The following ASXL3 variants were observed in gnomAD, a reference collection of about 807,000 sequenced individuals.
The protein encoded by ASXL3 is ASXL transcriptional regulator 3, also known as putative Polycomb group protein ASXL3.
Under a neutral mutation model 170.6 loss-of-function variants are expected in ASXL3, and 34 were observed. The observed-to-expected ratio is 0.20, with a 90% confidence interval of 0.15 to 0.27. The LOEUF (loss-of-function observed/expected upper bound fraction) is 0.27. Ranked by LOEUF, ASXL3 falls within the 10% of genes least tolerant of loss-of-function variation. The pLI, the probability that ASXL3 is intolerant of heterozygous loss-of-function variation, is 1.00. For synonymous variants in ASXL3, 1,002 were observed against 989.1 expected, an observed-to-expected ratio of 1.01 and a Z score of -0.24; for missense variants, 2,592 against 2,695.3, an observed-to-expected ratio of 0.96 and a Z score of 0.85.
Position 33,652,603 on chromosome 18 carries a change from C to CAAAAAA in ASXL3, c.355+6258_355+6263dup, listed in dbSNP as rs554834298. Among the ~76,000 whole-genome samples, 6 of 112,320 alleles carry CAAAAAA rather than the reference C, an allele frequency of 5.3e-5. 1 individual carries two copies. The highest frequency in any genetic ancestry group is 3.2e-4 in the East Asian group (1 of 3,116). 73.7% of individuals were successfully genotyped at this position (112,320 alleles called of 152,430 possible). On this transcript the variant is annotated intron_variant, in intron 4 of 11. Coordinates refer to ENST00000269197, the MANE Select transcript of ASXL3 (RefSeq NM_030632.3). The stretch of plus-strand genomic sequence containing the variant: ...AGTATTTTAAAAGTTTCTGTTGGGG[C>CAAAAAA]AAAAAAAAAAAAAGAACATGAATCT...
chr18:33,578,730 C>G (rs779505543), intron 1 of ASXL3, 45 bp downstream of exon 1: 1 of 1,136,314 alleles, frequency 8.8e-7, no homozygotes, highest in South Asian at 3.6e-5. Flanking sequence ...CCGCCGGCCC[C>G]GCCGCTCGCC....
intron 10 of ASXL3, 96 bp from the exon 11 acceptor site, chr18:33,738,391 C>A: frequency 8.4e-7 from 1 of 1,185,098 alleles, no homozygotes; most frequent in Non-Finnish European, 1.2e-6. Context: ...TAATTTGATG[C>A]ATTTACTTCT....
chr18:33,588,614 T>G (rs2065053100), intron 1 of ASXL3, among the ~76,000 whole-genome samples: 1 of 152,156 alleles, frequency 6.6e-6, no homozygotes, highest in African/African-American at 2.4e-5. Context: ...CGTAATTTGC[T>G]GTCTTTGCAC....
At chr18:33,657,245 A>C (rs1476079186) in intron 4 of ASXL3, among the ~76,000 whole-genome samples, 2 of 152,070 alleles carry the variant, frequency 1.3e-5, no homozygotes, top group Admixed American at 1.3e-4. Flanking sequence ...GGATATTTGG[A>C]GGAGGGACAA....
chr18:33,585,424 C>G (rs2065026890), intron 1 of ASXL3, among the ~76,000 whole-genome samples: 1 of 152,048 alleles, frequency 6.6e-6, no homozygotes, highest in Non-Finnish European at 1.5e-5. Flanking sequence ...TTAAACAAAT[C>G]TACAAAAAGG....
intron 2 of ASXL3, among the ~76,000 whole-genome samples, chr18:33,622,456 T>C (rs1040854255): frequency 2.6e-5 from 4 of 152,186 alleles, no homozygotes; most frequent in Admixed American, 6.6e-5. Context: ...TCCAAGAAAT[T>C]AGCTGTTTAC....
At position 33,744,067 on chromosome 18, in the gene ASXL3, C is replaced by T. The variant is rs1269803774; in HGVS notation, c.4219C>T (p.Leu1407=). The T allele has an allele frequency of 6.2e-7, 1 of 1,614,048 alleles. No homozygotes were observed. Among genetic ancestry groups the T allele is most frequent in the African/African-American group, 1.3e-5 (1 of 75,062 alleles). The change falls in exon 12 of 12, where the codon CTG becomes TTG. Residue 1407 remains leucine (L), a synonymous_variant. Transcript: ENST00000269197. The part of the protein sequence containing the change: ...CSDSVAVTDS[L]VAHPTVAMFT... The stretch of plus-strand genomic sequence containing the variant: ...TGATTCTGTAGCGGTCACAGACTCT[C>T]TGGTTGCACACCCGACCGTCGCAAT...
At chr18:33,616,448 A>G (rs907521596) in intron 2 of ASXL3, among the ~76,000 whole-genome samples, 3 of 151,598 alleles carry the variant, frequency 2.0e-5, no homozygotes, top group African/African-American at 7.3e-5. Context: ...ATGCATAGGC[A>G]CTCACATTTC....
intron 5 of ASXL3, among the ~76,000 whole-genome samples, chr18:33,670,017 T>C (rs1309266484): frequency 6.6e-6 from 1 of 152,224 alleles, no homozygotes; most frequent in Admixed American, 6.5e-5. Context: ...TATTCATTTT[T>C]TTCCTGGATT....
At position 33,646,890 on chromosome 18, in the gene ASXL3, G is replaced by GC. The variant is rs1234627843; in HGVS notation, c.355+537_355+538insC. On this transcript the variant is annotated intron_variant, in intron 4 of 11. Transcript: ENST00000269197. ...AATTTTAAGGGGGAGCGGGGGGGGGGGGCATTTTTCACCTCTGAATTTTAT... is the reference window on the plus strand; with the variant it reads ...AATTTTAAGGGGGAGCGGGGGGGGGGCGGCATTTTTCACCTCTGAATTTTAT... Among the ~76,000 whole-genome samples, 10 of 141,056 alleles carry GC rather than the reference G, an allele frequency of 7.1e-5. No individual in the cohort carries two copies. In the East Asian group the frequency reaches 2.1e-3, roughly 30 times the overall value. The allele number at this position is 141,056 out of a possible 152,430, so 92.5% of individuals were successfully genotyped here.
chr18:33,578,541 C>A lies in ASXL3; in HGVS notation c.-91C>A. 1.3e-6 allele frequency: 1 copy of A among 762,038 alleles called. No homozygotes were observed. Among genetic ancestry groups the A allele is most frequent in the South Asian group, 4.3e-5 (1 of 23,088 alleles). 47.2% of individuals were successfully genotyped at this position (762,038 alleles called of 1,614,324 possible). A position where few individuals can be genotyped will look rare whatever the true frequency, so the allele number is the denominator to read the frequency against. On this transcript the variant is annotated 5_prime_UTR_variant, in exon 1 of 12. Transcript: ENST00000269197. Reference sequence around the variant, plus strand: ...CCCCCGCGGAGCGAGTGCGGGTCACCGGGTCACTGGGTCATTGTCTCCGCG... The same window carrying A: ...CCCCCGCGGAGCGAGTGCGGGTCACAGGGTCACTGGGTCATTGTCTCCGCG...
intron 1 of ASXL3, among the ~76,000 whole-genome samples, chr18:33,585,638 A>G (rs894228846): frequency 1.3e-5 from 2 of 152,176 alleles, no homozygotes; most frequent in African/African-American, 4.8e-5. Flanking sequence ...AGGCAAATTT[A>G]TGCCCTGGGG....
rs866541716 is a variant in ASXL3, at chr18:33,669,973, A to T, written c.478-700A>T. Reference sequence around the variant, plus strand: ...ACCGTGGTCGATTCATTTATGAAACACAAAGTGCTCCCATTTGGACAGATT... The same window carrying T: ...ACCGTGGTCGATTCATTTATGAAACTCAAAGTGCTCCCATTTGGACAGATT... On this transcript the variant is annotated intron_variant, in intron 5 of 11. Transcript: ENST00000269197. 2.0e-5 allele frequency among the ~76,000 whole-genome samples: 3 copies of T among 152,150 alleles called. No homozygotes were observed. In the South Asian group the frequency reaches 6.2e-4, roughly 32 times the overall value.
chr18:33,691,381 C>T (rs1260968405), intron 8 of ASXL3, among the ~76,000 whole-genome samples: 2 of 152,170 alleles, frequency 1.3e-5, no homozygotes, highest in African/African-American at 4.8e-5. Context: ...TTTAAGTCAT[C>T]ACTTTACTCT....
At position 33,734,375 on chromosome 18, in the gene ASXL3, C is replaced by A. The variant is rs1461782055; in HGVS notation, c.1042C>A (p.Pro348Thr). Reference protein sequence around the residue: ...QEIEKEKKTEPWKEKFFERFY... With the variant: ...QEIEKEKKTETWKEKFFERFY... ...AATTGAGAAGGAAAAGAAAACAGAA[C>A]CTTGGAAAGAAAAATTCTTTGAGAG... The change falls in exon 10 of 12, where the codon CCT becomes ACT. Residue 348 changes from proline (P) to threonine (T), a missense_variant. Physicochemically the swap from Pro to Thr is conservative, Grantham distance 38. Coordinates refer to ENST00000269197, the MANE Select transcript of ASXL3 (RefSeq NM_030632.3). The A allele has an allele frequency of 2.5e-6, 4 of 1,607,786 alleles. No homozygotes were observed. The highest frequency in any genetic ancestry group is 3.4e-6 in the Non-Finnish European group (4 of 1,177,532).
In ASXL3 at chr18:33,745,753, C is replaced by A. The variant is rs759428492; in HGVS notation, c.5905C>A (p.Gln1969Lys). The stretch of plus-strand genomic sequence containing the variant: ...ATTTGCCTTCAACAGGCATCTTGAA[C>A]AGAAGGGATTGGGAGAGGTTAGTCT... The part of the protein sequence containing the change: ...NAFAFNRHLE[Q>K]KGLGEVSLSS... Residue 1969 changes from glutamine to lysine, a missense_variant, in exon 12 of 12, where the codon CAG becomes AAG. Physicochemically the swap from Gln to Lys is moderately conservative, Grantham distance 53. Transcript: ENST00000269197. 6.2e-7 allele frequency: 1 copy of A among 1,613,880 alleles called. No homozygotes were observed. The highest frequency in any genetic ancestry group is 1.3e-5 in the African/African-American group (1 of 74,920).
intron 4 of ASXL3, among the ~76,000 whole-genome samples, chr18:33,659,896 C>T (rs2066143709): frequency 6.6e-6 from 1 of 152,094 alleles, no homozygotes; most frequent in Non-Finnish European, 1.5e-5. Flanking sequence ...ATAGTATTTC[C>T]TAGACCCATC....
At chr18:33,678,917 CT>C (rs2066472896) in intron 7 of ASXL3, among the ~76,000 whole-genome samples, 1 of 152,172 alleles carries the variant, frequency 6.6e-6, no homozygotes, top group Non-Finnish European at 1.5e-5. Context: ...AGGTGGACAT[CT>C]TTGAAATAGA....
chr18:33,744,308 T>G lies in ASXL3; in HGVS notation c.4460T>G (p.Leu1487Arg). ...HSTTLTSSLS[L>R]TVSVESSEAS... ...ACCACGCTGACCTCCAGTTTGTCTC[T>G]GACTGTCTCCGTTGAAAGCTCAGAA... Residue 1487 changes from leucine to arginine, a missense_variant, in exon 12 of 12, where the codon CTG (leucine) becomes CGG (arginine). Leu to Arg is a moderately radical substitution (Grantham distance 102). This residue lies in a region of ASXL3 where 2,246 missense variants were observed against 2,219.6 expected (regional missense o/e 1.01). Coordinates refer to ENST00000269197, the MANE Select transcript of ASXL3 (RefSeq NM_030632.3). The G allele has an allele frequency of 1.2e-6, 2 of 1,614,032 alleles. No individual in the cohort carries two copies. Among genetic ancestry groups the G allele is most frequent in the East Asian group, 4.5e-5 (2 of 44,876 alleles).
Sources: gnomAD v4.1 joint callset for allele counts (sites outside exome capture counted in the v4.1 genomes callset) on GRCh38, gnomAD v4.1.1 for gene constraint, gnomAD v4.1.1 regional missense constraint, MANE v1.5 for transcripts, NCBI Gene and HGNC (gene_info 2026-07-23, HGNC 2026-07-21) for gene names.